The following ADAMTS18 variants were observed in gnomAD, a reference collection of about 807,000 sequenced individuals.
The protein encoded by ADAMTS18 is A disintegrin and metalloproteinase with thrombospondin motifs 18.
ADAMTS18 carries 157 observed loss-of-function variants against 165.9 expected under a neutral mutation model. That is an observed-to-expected ratio of 0.95 (90% confidence interval 0.83 to 1.08). The LOEUF is 1.08. Ranked by LOEUF, ADAMTS18 falls within the 50% of genes least tolerant of loss-of-function variation. The pLI is 0.00. For missense variants in ADAMTS18, 2,040 were observed against 1,534.0 expected, an observed-to-expected ratio of 1.33 and a Z score of -5.51; for synonymous variants, 782 against 578.2, an observed-to-expected ratio of 1.35 and a Z score of -5.06.
chr16:77,335,624 T>C (rs1040117774), intron 12 of ADAMTS18, 132 bp downstream of exon 12: 1 of 1,124,286 alleles, frequency 8.9e-7, no homozygotes, highest in Non-Finnish European at 1.3e-6. Context: ...ACCCCATAAA[T>C]ATGTATAACC....
intron 10 of ADAMTS18, among the ~76,000 whole-genome samples, chr16:77,352,342 G>A (rs943760204): frequency 1.3e-5 from 2 of 152,112 alleles, no homozygotes; most frequent in Admixed American, 1.3e-4. Context: ...AATGACTGAA[G>A]TTTAGGAAAC....
rs1471895802 is a variant in ADAMTS18, at chr16:77,283,659, G to A, written c.*297C>T. 8.6e-6 allele frequency: 3 copies of A among 347,430 alleles called. No individual in the cohort carries two copies. Among genetic ancestry groups the A allele is most frequent in the East Asian group, 6.6e-5 (1 of 15,190 alleles). The allele number at this position is 347,430 out of a possible 1,614,324, so 21.5% of individuals were successfully genotyped here. A position where few individuals can be genotyped will look rare whatever the true frequency, so the allele number is the denominator to read the frequency against. ...TCAAAAGGGGGTCTCTCCCCAAATC[G>A]ACGTATCTCAGTGTGATTCACCACT... On this transcript the variant is annotated 3_prime_UTR_variant, in exon 23 of 23. Coordinates refer to ENST00000282849, the MANE Select transcript of ADAMTS18 (RefSeq NM_199355.4).
chr16:77,307,424 G>A (rs1017871225), intron 16 of ADAMTS18, among the ~76,000 whole-genome samples: 1 of 152,182 alleles, frequency 6.6e-6, no homozygotes, highest in Non-Finnish European at 1.5e-5. Context: ...ACCCTGATCA[G>A]GGATTTGGAA....
At chr16:77,430,169 CAAACAAAA>C (rs1270935299) in intron 3 of ADAMTS18, among the ~76,000 whole-genome samples, 5 of 151,750 alleles carry the variant, frequency 3.3e-5, no homozygotes, top group Non-Finnish European at 7.4e-5. Flanking sequence ...AACAAACAAA[CAAACAAAA>C]AAACAAGATA....
intron 16 of ADAMTS18, among the ~76,000 whole-genome samples, chr16:77,318,891 A>G (rs1240689323): frequency 6.6e-6 from 1 of 152,170 alleles, no homozygotes; most frequent in Non-Finnish European, 1.5e-5. Flanking sequence ...TATCATTTCT[A>G]TACAAACTGA....
At chr16:77,389,695 T>A (rs2057159445) in intron 3 of ADAMTS18, among the ~76,000 whole-genome samples, 1 of 152,154 alleles carries the variant, frequency 6.6e-6, no homozygotes, top group African/African-American at 2.4e-5. Context: ...AGGTGAATCT[T>A]TGCCTTCCTT....
chr16:77,335,449 A>T (rs1019052640), intron 12 of ADAMTS18, among the ~76,000 whole-genome samples: 1 of 152,044 alleles, frequency 6.6e-6, no homozygotes, highest in African/African-American at 2.4e-5. Context: ...ATAGTTAACA[A>T]TTCATTGTAT....
intron 10 of ADAMTS18, among the ~76,000 whole-genome samples, chr16:77,342,240 T>C (rs775577395): frequency 4.6e-5 from 7 of 152,198 alleles, no homozygotes; most frequent in African/African-American, 1.2e-4. Context: ...ACCTGTACAA[T>C]AGCGATCAAA....
At chr16:77,356,672 C>T (rs2056635615) in intron 8 of ADAMTS18, among the ~76,000 whole-genome samples, 1 of 152,208 alleles carries the variant, frequency 6.6e-6, no homozygotes, top group East Asian at 1.9e-4. Flanking sequence ...GCTATTAAAT[C>T]TTGACCATTA....
chr16:77,372,510 C>T (rs2056890781), intron 3 of ADAMTS18, among the ~76,000 whole-genome samples: 2 of 152,282 alleles, frequency 1.3e-5, no homozygotes, highest in East Asian at 1.9e-4. Context: ...ATGTGTAGAG[C>T]CTGAAATCAA....
At chr16:77,319,443 TTTG>T (rs889745643) in intron 16 of ADAMTS18, among the ~76,000 whole-genome samples, 1 of 152,114 alleles carries the variant, frequency 6.6e-6, no homozygotes, top group African/African-American at 2.4e-5. Flanking sequence ...GGAAACACCT[TTTG>T]TTGTTGTTGT....
At chr16:77,313,488 A>T (rs1193047333) in intron 16 of ADAMTS18, among the ~76,000 whole-genome samples, 19 of 37,874 alleles carry the variant, frequency 5.0e-4, no homozygotes, top group African/African-American at 2.3e-4. Flanking sequence ...TCAAGGTTTA[A>T]AAAAAAAAAA....
chr16:77,283,592 C>A lies in ADAMTS18; in HGVS notation c.*364G>T, dbSNP rs1001327765. ...GTCTTTGACCTGAAGTCATAAAGGA[C>A]CTTTTTAAAACAGATGTCTTTGCCC... is the stretch of plus-strand genomic sequence containing the variant. On this transcript the variant is annotated 3_prime_UTR_variant, in exon 23 of 23. Coordinates refer to ENST00000282849, the MANE Select transcript of ADAMTS18 (RefSeq NM_199355.4). 4.1e-6 allele frequency: 1 copy of A among 244,000 alleles called. No individual in the cohort carries two copies. The allele number at this position is 244,000 out of a possible 1,614,324, so 15.1% of individuals were successfully genotyped here. A position where few individuals can be genotyped will look rare whatever the true frequency, so the allele number is the denominator to read the frequency against.
intron 3 of ADAMTS18, among the ~76,000 whole-genome samples, chr16:77,400,360 A>G (rs2057309813): frequency 6.6e-6 from 1 of 151,102 alleles, no homozygotes; most frequent in Non-Finnish European, 1.5e-5. Flanking sequence ...GTGAGTTAAG[A>G]CCCCTGGGAC....
At chr16:77,424,557 C>T (rs2057647310) in intron 3 of ADAMTS18, among the ~76,000 whole-genome samples, 1 of 151,834 alleles carries the variant, frequency 6.6e-6, no homozygotes, top group Admixed American at 6.6e-5. Flanking sequence ...CCTTAGTCAC[C>T]TTGGGGTCCT....
At chr16:77,302,877 GA>G (rs377571482) in intron 16 of ADAMTS18, among the ~76,000 whole-genome samples, 2 of 150,792 alleles carry the variant, frequency 1.3e-5, no homozygotes, top group African/African-American at 2.4e-5. Context: ...ATGTGTTCAA[GA>G]AAAAAAAATG....
intron 3 of ADAMTS18, among the ~76,000 whole-genome samples, chr16:77,391,716 GACA>G (rs141485806): frequency 0.047 from 7,105 of 152,174 alleles, 234 homozygotes; most frequent in African/African-American, 0.079. Flanking sequence ...ATCTGAAAAT[GACA>G]ACAAGAACTA....
At chr16:77,284,267 A>G (rs2055206155) in intron 22 of ADAMTS18, among the ~76,000 whole-genome samples, 196 bp from the exon 23 acceptor site, 1 of 151,870 alleles carries the variant, frequency 6.6e-6, no homozygotes, top group African/African-American at 2.4e-5. Context: ...CAGGGACTAT[A>G]GGCAAGTGCC....
At chr16:77,311,993 T>C (rs1389811120) in intron 16 of ADAMTS18, among the ~76,000 whole-genome samples, 2 of 152,200 alleles carry the variant, frequency 1.3e-5, no homozygotes, top group Non-Finnish European at 2.9e-5. Context: ...TTTTATGTAG[T>C]AGTAAATAAT....
Sources: gnomAD v4.1 joint callset for allele counts (sites outside exome capture counted in the v4.1 genomes callset) on GRCh38, gnomAD v4.1.1 for gene constraint, MANE v1.5 for transcripts, NCBI Gene and HGNC (gene_info 2026-07-23, HGNC 2026-07-21) for gene names.